Variants in TMEM156 observed in about 807,000 individuals in gnomAD.
TMEM156 encodes the protein transmembrane protein 156.
A neutral mutation model predicts 30.5 loss-of-function variants in TMEM156; 28 were observed. The observed-to-expected ratio is 0.92, with a 90% CI of 0.68 to 1.26. The LOEUF is 1.26. Ranked by LOEUF, TMEM156 falls within the 50% of genes most tolerant of loss-of-function variation. The probability of loss-of-function intolerance (pLI) is 0.00; values close to 1 mark genes in which losing one functional copy is unlikely to be tolerated. For synonymous variants in TMEM156, 137 were observed against 119.9 expected (o/e 1.14, Z -0.93); for missense variants, 351 against 340.6 (o/e 1.03, Z -0.24).
chr4:38,998,960 T>G (rs763353492), intron 1 of TMEM156, 51 bp from the exon 2 acceptor site: 12 of 1,527,986 alleles, frequency 7.9e-6, no homozygotes, highest in Non-Finnish European at 1.1e-5. Context: ...TTTGAGTTTT[T>G]GGCATTCAAA....
At chr4:39,003,779 T>C (rs1713542569) in intron 1 of TMEM156, among the ~76,000 whole-genome samples, 1 of 152,202 alleles carries the variant, frequency 6.6e-6, no homozygotes, top group Admixed American at 6.5e-5. Flanking sequence ...TCTTGCCATC[T>C]TTCCATTTTC....
At chr4:38,990,685 G>A (rs13106655) in intron 3 of TMEM156, among the ~76,000 whole-genome samples, 96,127 of 151,686 alleles carry the variant, frequency 0.63, 30,452 homozygotes, top group East Asian at 0.71. Flanking sequence ...GGGGAACATC[G>A]AGGAACAGTT....
chr4:39,021,091 C>A (rs1404085714), intron 1 of TMEM156, among the ~76,000 whole-genome samples: 1 of 152,046 alleles, frequency 6.6e-6, no homozygotes, highest in Non-Finnish European at 1.5e-5. Context: ...TATGTATTGG[C>A]CATTTGTATG....
chr4:39,019,948 A>G (rs1714751815), intron 1 of TMEM156, among the ~76,000 whole-genome samples: 1 of 152,046 alleles, frequency 6.6e-6, no homozygotes, highest in East Asian at 1.9e-4. Context: ...ACAACTCTCC[A>G]TTCCCCTCAC....
intron 1 of TMEM156, among the ~76,000 whole-genome samples, chr4:39,027,891 G>A (rs1715305400): frequency 6.6e-6 from 1 of 151,746 alleles, no homozygotes. Flanking sequence ...AGAGTAGCTA[G>A]GATGACAGGT....
At chr4:38,987,655 A>G (rs1712101148) in intron 4 of TMEM156, among the ~76,000 whole-genome samples, 1 of 152,216 alleles carries the variant, frequency 6.6e-6, no homozygotes, top group African/African-American at 2.4e-5. Context: ...CCTTTAATGA[A>G]AACTAATTAT....
At chr4:39,007,772 T>C (rs1255524247) in intron 1 of TMEM156, among the ~76,000 whole-genome samples, 1 of 152,262 alleles carries the variant, frequency 6.6e-6, no homozygotes, top group East Asian at 1.9e-4. Context: ...TGTCTATTTA[T>C]GTAGAGTTCT....
rs536389908 is a variant in TMEM156, at chr4:38,978,572, G to A, written c.824-7435C>T. ...GCAGTTCAAGGAGCAATTCCAGAGG[G>A]CCACCCATGATTTGGGGGTAACAAA... On this transcript the variant is annotated intron_variant, in intron 5 of 6. Coordinates refer to ENST00000381938, the MANE Select transcript of TMEM156 (RefSeq NM_024943.3). Among the ~76,000 whole-genome samples the A allele has an allele frequency of 1.1e-4, 17 of 152,240 alleles. No homozygotes were observed. In the South Asian group the frequency reaches 1.5e-3, roughly 13 times the overall value.
At chr4:39,027,877 C>T (rs191544160) in intron 1 of TMEM156, among the ~76,000 whole-genome samples, 132 of 151,864 alleles carry the variant, frequency 8.7e-4, no homozygotes, top group African/African-American at 2.9e-3. Flanking sequence ...CTGTCTCAGC[C>T]TCCAGAGTAG....
rs777646490 is a variant in TMEM156 at position 38,998,762 on chromosome 4, T to C, written c.236A>G (p.Asn79Ser). Residue 79 changes from asparagine (N) to serine (S), a missense_variant, in exon 2 of 7, where the codon AAT (asparagine) becomes AGT (serine). By Grantham distance (46) the Asn-to-Ser change is conservative. Transcript: ENST00000381938. ...IIMRIFLNPS[N>S]FRNFTRTCQD... ...GCAAGTCCTGGTGAAGTTACGAAAA[T>C]TGGAGGGATTTAGAAAGATTCTCAT... The C allele has an allele frequency of 6.8e-6, 11 of 1,613,734 alleles. No homozygotes were observed. The highest frequency in any genetic ancestry group is 2.2e-5 in the East Asian group (1 of 44,828).
At chr4:38,991,565 G>T (rs957443180) in intron 3 of TMEM156, among the ~76,000 whole-genome samples, 1 of 151,970 alleles carries the variant, frequency 6.6e-6, no homozygotes, top group Non-Finnish European at 1.5e-5. Flanking sequence ...TATACTTTTC[G>T]CAGAATACAA....
intron 1 of TMEM156, among the ~76,000 whole-genome samples, chr4:39,015,036 A>G (rs922940177): frequency 2.6e-5 from 4 of 152,164 alleles, no homozygotes; most frequent in Non-Finnish European, 5.9e-5. Context: ...ATTGCTTCCT[A>G]AGTAAGTTTC....
intron 1 of TMEM156, among the ~76,000 whole-genome samples, chr4:39,003,989 C>A (rs760625743): frequency 4.6e-5 from 7 of 152,090 alleles, no homozygotes; most frequent in Non-Finnish European, 7.3e-5. Flanking sequence ...GACTTTTAAA[C>A]CTCAGCTTTA....
intron 1 of TMEM156, among the ~76,000 whole-genome samples, chr4:39,010,207 T>C (rs34800587): frequency 0.058 from 8,856 of 152,180 alleles, 299 homozygotes; most frequent in African/African-American, 0.097. Flanking sequence ...GAAAGATCTC[T>C]GCAAGGAGAA....
intron 5 of TMEM156, among the ~76,000 whole-genome samples, chr4:38,985,061 A>G (rs957551639): frequency 3.9e-5 from 6 of 152,216 alleles, no homozygotes; most frequent in African/African-American, 1.4e-4. Context: ...TTGAAAACAG[A>G]AACGACCAGA....
At chr4:39,019,783 C>G (rs1348453247) in intron 1 of TMEM156, among the ~76,000 whole-genome samples, 1 of 152,124 alleles carries the variant, frequency 6.6e-6, no homozygotes, top group Non-Finnish European at 1.5e-5. Context: ...ATCCATCACT[C>G]ACATACCATT....
At chr4:39,023,293 C>T (rs771318973) in intron 1 of TMEM156, among the ~76,000 whole-genome samples, 7 of 152,190 alleles carry the variant, frequency 4.6e-5, no homozygotes, top group African/African-American at 1.7e-4. Flanking sequence ...TTTGTTACAG[C>T]AGCCCAAGCT....
intron 1 of TMEM156, among the ~76,000 whole-genome samples, chr4:39,021,239 CA>C (rs1302870967): frequency 1.3e-5 from 2 of 150,726 alleles, no homozygotes; most frequent in African/African-American, 2.4e-5. Context: ...CCCGTCTCTA[CA>C]AAAAAAATTT....
chr4:39,011,766 C>T (rs1714138777), intron 1 of TMEM156, among the ~76,000 whole-genome samples: 1 of 151,904 alleles, frequency 6.6e-6, no homozygotes, highest in Non-Finnish European at 1.5e-5. Context: ...GAGTGAGACT[C>T]CATCTCAAAA....
Sources: allele counts gnomAD v4.1 joint callset (sites outside exome capture counted in the v4.1 genomes callset), GRCh38; gene constraint gnomAD v4.1.1; transcripts MANE v1.5; gene names NCBI Gene and HGNC (gene_info 2026-07-23, HGNC 2026-07-21).